Variants in EXOC4 observed in about 807,000 individuals in gnomAD.
EXOC4 encodes the protein SEC8-like 1.
Under a neutral mutation model 107.2 loss-of-function variants are expected in EXOC4, and 71 were observed. The ratio of observed to expected loss-of-function variants is 0.66; its 90% CI spans 0.55 to 0.81. The LOEUF (loss-of-function observed/expected upper bound fraction) is 0.81. EXOC4 is among the 30% of genes least tolerant of loss of function. The pLI is 0.00. For missense variants in EXOC4, 1,108 were observed against 1,189.6 expected (o/e 0.93, Z 1.01); for synonymous variants, 456 against 441.2 (o/e 1.03, Z -0.42).
chr7:133,810,974 G>A (rs1057016285), intron 10 of EXOC4, among the ~76,000 whole-genome samples: 2 of 152,106 alleles, frequency 1.3e-5, no homozygotes, highest in African/African-American at 4.8e-5. Context: ...AGAGTCAGTT[G>A]CGTACTCGCA....
At chr7:133,439,769 TAGG>T (rs1451953673) in intron 7 of EXOC4, among the ~76,000 whole-genome samples, 1 of 152,058 alleles carries the variant, frequency 6.6e-6, no homozygotes, top group Non-Finnish European at 1.5e-5. Context: ...AGCAAAGATG[TAGG>T]AGGAGATTAT....
chr7:133,961,331 G>T (rs1368186629), intron 14 of EXOC4, among the ~76,000 whole-genome samples: 3 of 122,018 alleles, frequency 2.5e-5, no homozygotes, highest in Non-Finnish European at 4.7e-5. Context: ...CTGTTGCCCA[G>T]GCTGGAGCGC....
At chr7:133,900,362 G>A (rs1365531372) in intron 12 of EXOC4, among the ~76,000 whole-genome samples, 1 of 152,062 alleles carries the variant, frequency 6.6e-6, no homozygotes, top group Non-Finnish European at 1.5e-5. Context: ...GGAAGGCTTA[G>A]TGAAGTATAT....
At chr7:133,361,432 C>G (rs1172991383) in intron 6 of EXOC4, among the ~76,000 whole-genome samples, 1 of 152,156 alleles carries the variant, frequency 6.6e-6, no homozygotes, top group African/African-American at 2.4e-5. Context: ...AGGTGCCTGC[C>G]ACCACGCCCG....
intron 11 of EXOC4, among the ~76,000 whole-genome samples, chr7:133,863,679 T>C (rs1036782722): frequency 2.6e-5 from 4 of 152,232 alleles, no homozygotes; most frequent in African/African-American, 9.6e-5. Context: ...TTTATGCACT[T>C]TGCACTTTTC....
chr7:134,072,903 G>C, the EXOC4 span, among the ~76,000 whole-genome samples: 1 of 152,022 alleles, frequency 6.6e-6, no homozygotes, highest in Non-Finnish European at 1.5e-5. Context: ...AGCGCTTCTT[G>C]GTTAGAAAGG....
chr7:133,370,695 A>T (rs148256340), intron 6 of EXOC4, among the ~76,000 whole-genome samples: 149 of 152,292 alleles, frequency 9.8e-4, no homozygotes, highest in African/African-American at 3.4e-3. Flanking sequence ...CCTTTGGCTT[A>T]GTGATTTTGG....
chr7:133,614,784 T>C (rs1421529480), intron 9 of EXOC4, among the ~76,000 whole-genome samples: 6 of 71,636 alleles, frequency 8.4e-5, no homozygotes, highest in African/African-American at 3.9e-4. Flanking sequence ...GAATTGTACA[T>C]ATGGCAAAAA....
intron 1 of EXOC4, 78 bp downstream of exon 1, chr7:133,253,265 T>C: frequency 1.9e-6 from 3 of 1,539,416 alleles, no homozygotes; most frequent in Non-Finnish European, 1.8e-6. Flanking sequence ...AAGGGTTAGC[T>C]GGGTCCCACC....
At chr7:133,522,448 A>T (rs1422540628) in intron 9 of EXOC4, among the ~76,000 whole-genome samples, 1 of 152,184 alleles carries the variant, frequency 6.6e-6, no homozygotes, top group Non-Finnish European at 1.5e-5. Flanking sequence ...TGTTTTATTT[A>T]TAAGGCAATT....
chr7:133,803,995 C>T (rs1221752035), intron 10 of EXOC4, among the ~76,000 whole-genome samples: 1 of 152,144 alleles, frequency 6.6e-6, no homozygotes, highest in Non-Finnish European at 1.5e-5. Context: ...TTTGATGTTA[C>T]TCCAACCCAT....
chr7:133,497,610 T>C (rs978967212), intron 9 of EXOC4, among the ~76,000 whole-genome samples: 1 of 152,064 alleles, frequency 6.6e-6, no homozygotes, highest in Non-Finnish European at 1.5e-5. Context: ...TTTGTATTTT[T>C]AGTAGAGATG....
At chr7:133,972,065 T>G (rs1390119512) in intron 14 of EXOC4, among the ~76,000 whole-genome samples, 1 of 151,006 alleles carries the variant, frequency 6.6e-6, no homozygotes, top group East Asian at 1.9e-4. Flanking sequence ...CTGTACATGG[T>G]ACCTTACGCT....
intron 11 of EXOC4, among the ~76,000 whole-genome samples, chr7:133,870,033 C>T (rs1025373396): frequency 4.6e-5 from 7 of 152,060 alleles, no homozygotes; most frequent in Non-Finnish European, 7.4e-5. Context: ...ATGGATCTTG[C>T]GCTAATCTTT....
intron 10 of EXOC4, among the ~76,000 whole-genome samples, chr7:133,680,786 C>G (rs1230587282): frequency 6.6e-6 from 1 of 152,088 alleles, no homozygotes; most frequent in Non-Finnish European, 1.5e-5. Context: ...TCAAACGAAG[C>G]AAAGAGAGTA....
At chr7:133,729,347 CTA>C (rs1360163226) in intron 10 of EXOC4, among the ~76,000 whole-genome samples, 4 of 152,040 alleles carry the variant, frequency 2.6e-5, no homozygotes, top group Admixed American at 2.0e-4. Context: ...TTGCACTAGT[CTA>C]TTGTATAATT....
At chr7:133,556,797 A>C (rs1357645721) in intron 9 of EXOC4, among the ~76,000 whole-genome samples, 4 of 152,186 alleles carry the variant, frequency 2.6e-5, no homozygotes, top group African/African-American at 9.6e-5. Context: ...GTTCAATATC[A>C]GAGGACTAAG....
At chr7:133,864,041 T>G (rs1207716372) in intron 11 of EXOC4, among the ~76,000 whole-genome samples, 1 of 152,180 alleles carries the variant, frequency 6.6e-6, no homozygotes, top group Non-Finnish European at 1.5e-5. Flanking sequence ...GTTCTTCTTT[T>G]GTTGATTGCT....
intron 9 of EXOC4, among the ~76,000 whole-genome samples, chr7:133,483,143 C>T (rs1158258793): frequency 6.6e-6 from 1 of 152,194 alleles, no homozygotes; most frequent in African/African-American, 2.4e-5. Flanking sequence ...CTTCTCACAG[C>T]ACCTGGTACA....
Sources: gnomAD v4.1 joint callset for allele counts (sites outside exome capture counted in the v4.1 genomes callset) on GRCh38, gnomAD v4.1.1 for gene constraint, MANE v1.5 for transcripts, NCBI Gene and HGNC (gene_info 2026-07-23, HGNC 2026-07-21) for gene names.